The following AATF variants were observed in gnomAD, a reference collection of about 807,000 sequenced individuals.
AATF encodes protein AATF.
In AATF, 48 loss-of-function variants were observed where a neutral mutation model predicts 63.7. That is an observed-to-expected ratio of 0.75 (90% CI 0.60 to 0.96). The LOEUF (loss-of-function observed/expected upper bound fraction) is 0.96, where lower values mean the gene tolerates loss of function less well. AATF is among the 40% of genes least tolerant of loss of function. AATF has a pLI of 0.00. For synonymous variants in AATF, 258 were observed against 247.7 expected, an observed-to-expected ratio of 1.04 and a Z score of -0.39; for missense variants, 639 against 685.7, an observed-to-expected ratio of 0.93 and a Z score of 0.76.
intron 4 of AATF, among the ~76,000 whole-genome samples, chr17:36,981,490 C>G (rs1567972365): frequency 6.6e-6 from 1 of 151,326 alleles, no homozygotes; most frequent in Non-Finnish European, 1.5e-5. Flanking sequence ...GTTACCCGGA[C>G]TTGAGTGCAG....
chr17:37,056,519 G>C lies in AATF; in HGVS notation c.1620-82G>C, dbSNP rs990579893. The C allele has an allele frequency of 2.2e-6, 3 of 1,383,854 alleles. No individual in the cohort carries two copies. The African/African-American group carries it at 4.3e-5, about 20-fold the overall frequency. The allele number at this position is 1,383,854 out of a possible 1,614,324, so 85.7% of individuals were successfully genotyped here. A position where few individuals can be genotyped will look rare whatever the true frequency, so the allele number is the denominator to read the frequency against. ...GTTTTCAACAGAAGAAACAGAATGG[G>C]GTATTTTCCAGCTTCTGCGTTCCTT... is the stretch of plus-strand genomic sequence containing the variant. On this transcript the variant is annotated intron_variant, in intron 11 of 11. Coordinates refer to ENST00000619387, the MANE Select transcript of AATF (RefSeq NM_012138.4).
chr17:37,003,578 C>A (rs150701055), intron 8 of AATF, among the ~76,000 whole-genome samples: 2,361 of 150,870 alleles, frequency 0.016, 66 homozygotes, highest in African/African-American at 0.054. Context: ...GTGATCCTCC[C>A]ACCTCAGCCT....
Position 36,988,739 on chromosome 17 carries a change from G to A in AATF, c.1149+19G>A, listed in dbSNP as rs369079557. 45 of 1,610,964 alleles carry A rather than the reference G, an allele frequency of 2.8e-5. No homozygotes were observed. Among genetic ancestry groups the A allele is most frequent in the Middle Eastern group, 1.8e-4 (1 of 5,410 alleles). On this transcript the variant is annotated intron_variant, in intron 6 of 11. Coordinates refer to ENST00000619387, the MANE Select transcript of AATF (RefSeq NM_012138.4). ...GGGGAAGGCAAGTGTGTGTATGCGC[G>A]CATGTATGTGTAAGATAGGTTGTGG...
chr17:36,968,332 G>A (rs374300213), intron 4 of AATF, among the ~76,000 whole-genome samples: 10 of 81,902 alleles, frequency 1.2e-4, no homozygotes, highest in African/African-American at 4.6e-4. Context: ...ACCCAGGCTT[G>A]ATCTTGATCT....
chr17:36,978,473 A>G (rs1188577206), intron 4 of AATF, among the ~76,000 whole-genome samples: 1 of 151,964 alleles, frequency 6.6e-6, no homozygotes, highest in African/African-American at 2.4e-5. Context: ...AGCCTTCATG[A>G]TTTTAGAATA....
chr17:37,015,732 A>T (rs1388110422), intron 8 of AATF, among the ~76,000 whole-genome samples: 1 of 152,216 alleles, frequency 6.6e-6, no homozygotes, highest in African/African-American at 2.4e-5. Context: ...TTCTTCCAGA[A>T]AAGGCTCCTC....
chr17:37,056,313 A>G lies in AATF; in HGVS notation c.1620-288A>G, dbSNP rs558546174. Reference sequence around the variant, plus strand: ...CTCCTACATCCTATTAAAATATTCAATCTTGTTTTCTTACTTGAAGAGCCT... The same window carrying G: ...CTCCTACATCCTATTAAAATATTCAGTCTTGTTTTCTTACTTGAAGAGCCT... On this transcript the variant is annotated intron_variant, in intron 11 of 11. Transcript: ENST00000619387. 2.6e-4 allele frequency: 103 copies of G among 398,532 alleles called. 2 individuals carry two copies. The East Asian group carries it at 4.2e-3, about 16-fold the overall frequency. The allele number at this position is 398,532 out of a possible 1,614,324, so 24.7% of individuals were successfully genotyped here.
intron 11 of AATF, among the ~76,000 whole-genome samples, chr17:37,051,525 G>C (rs1304830332): frequency 1.3e-5 from 2 of 152,144 alleles, no homozygotes; most frequent in Non-Finnish European, 2.9e-5. Context: ...ACATCGGTGA[G>C]GGGCTGCATT....
intron 10 of AATF, among the ~76,000 whole-genome samples, chr17:37,022,551 C>T (rs759873575): frequency 1.3e-5 from 2 of 151,480 alleles, no homozygotes; most frequent in Non-Finnish European, 2.9e-5. Flanking sequence ...TTGAAATTTC[C>T]GAATCTTCAT....
At chr17:36,990,551 G>C (rs2071205528) in intron 7 of AATF, among the ~76,000 whole-genome samples, 1 of 151,188 alleles carries the variant, frequency 6.6e-6, no homozygotes, top group African/African-American at 2.5e-5. Flanking sequence ...ATTTGAATGA[G>C]GGTAAACATA....
At chr17:36,970,946 ATTAAC>A (rs1425035693) in intron 4 of AATF, among the ~76,000 whole-genome samples, 2 of 152,198 alleles carry the variant, frequency 1.3e-5, no homozygotes, top group Admixed American at 6.5e-5. Flanking sequence ...GTCAATTTAT[ATTAAC>A]TTAAATATAA....
chr17:37,019,160 T>C, intron 9 of AATF, 88 bp downstream of exon 9: 1 of 1,054,062 alleles, frequency 9.5e-7, no homozygotes, highest in Non-Finnish European at 1.5e-6. Flanking sequence ...TGCAAAGCAA[T>C]GATTGGTCCT....
chr17:36,980,149 C>T (rs939881566), intron 4 of AATF: 16 of 152,102 alleles, frequency 1.1e-4, no homozygotes, highest in East Asian at 1.9e-4. Context: ...ATTTTATAAA[C>T]GAGAAAATTG....
In AATF at chr17:37,030,375, T is replaced by C. The variant is rs200466359; in HGVS notation, c.1548-1239T>C. Among the ~76,000 whole-genome samples, 9 of 152,314 alleles carry C rather than the reference T, an allele frequency of 5.9e-5. No individual in the cohort carries two copies. The East Asian group carries it at 1.5e-3, about 26-fold the overall frequency. ...GTTCCTAAAACTTTAAAATATTATG[T>C]ATTAAATACATGAAAATACCACATT... On this transcript the variant is annotated intron_variant, in intron 10 of 11. Transcript: ENST00000619387.
rs1250041103 is a variant in AATF at position 36,989,285 on chromosome 17, C to T, written c.1188C>T (p.Ile396=). ...GAFERSILTQ[I]DHILMDKERL... is the part of the protein sequence containing the mutation. ...TTGAACGCTCAATCTTGACTCAGAT[C>T]GACCATATTCTGATGGACAAAGAGA... The change falls in exon 7 of 12, where the codon ATC becomes ATT. Residue 396 remains isoleucine, a synonymous_variant. Coordinates refer to ENST00000619387, the MANE Select transcript of AATF (RefSeq NM_012138.4). 11 of 1,613,456 alleles carry T rather than the reference C, an allele frequency of 6.8e-6. No individual in the cohort carries two copies. In the Admixed American group the frequency reaches 8.3e-5, roughly 12 times the overall value.
intron 8 of AATF, among the ~76,000 whole-genome samples, chr17:37,006,083 A>G (rs2071339061): frequency 6.6e-6 from 1 of 152,102 alleles, no homozygotes; most frequent in African/African-American, 2.4e-5. Flanking sequence ...TGTACAGTGA[A>G]CTATGATTGT....
At chr17:37,048,073 T>A (rs1001338970) in intron 11 of AATF, among the ~76,000 whole-genome samples, 9 of 152,148 alleles carry the variant, frequency 5.9e-5, no homozygotes, top group Admixed American at 1.3e-4. Context: ...GTGGTTTTTT[T>A]ATGGGGGTTT....
At chr17:37,038,429 C>G (rs2071610184) in intron 11 of AATF, among the ~76,000 whole-genome samples, 1 of 152,116 alleles carries the variant, frequency 6.6e-6, no homozygotes, top group African/African-American at 2.4e-5. Context: ...TTCATGTGAA[C>G]CTGCTCTGTT....
intron 8 of AATF, among the ~76,000 whole-genome samples, chr17:37,014,499 C>T (rs2071415287): frequency 6.6e-6 from 1 of 152,110 alleles, no homozygotes; most frequent in South Asian, 2.1e-4. Flanking sequence ...CATATTAGGA[C>T]AACAGGTGTA....
Sources: allele counts gnomAD v4.1 joint callset (sites outside exome capture counted in the v4.1 genomes callset), GRCh38; gene constraint gnomAD v4.1.1; transcripts MANE v1.5; gene names NCBI Gene and HGNC (gene_info 2026-07-23, HGNC 2026-07-21).